RASGRF2: variants seen among roughly 807,000 people sequenced by gnomAD.
RASGRF2 encodes Ras protein specific guanine nucleotide releasing factor 2.
Under a neutral mutation model 151.0 loss-of-function variants are expected in RASGRF2, and 76 were observed. The ratio of observed to expected loss-of-function variants is 0.50; its 90% CI spans 0.42 to 0.61. RASGRF2 has a LOEUF of 0.61. Ranked by LOEUF, RASGRF2 falls within the 20% of genes least tolerant of loss-of-function variation. The probability of loss-of-function intolerance (pLI) is 0.00; values close to 1 mark genes in which losing one functional copy is unlikely to be tolerated. For missense variants in RASGRF2, 1,148 were observed against 1,564.6 expected (o/e 0.73, Z 4.49); for synonymous variants, 504 against 566.5 (o/e 0.89, Z 1.57).
At chr5:81,000,316 A>C (rs1421302730) in intron 1 of RASGRF2, among the ~76,000 whole-genome samples, 4 of 152,180 alleles carry the variant, frequency 2.6e-5, no homozygotes, top group Non-Finnish European at 4.4e-5. Context: ...ATCTTGGCTC[A>C]CTTCAACCTC....
At position 81,136,882 on chromosome 5, in the gene RASGRF2, T is replaced by C. The variant is rs186715186; in HGVS notation, c.2686+9719T>C. Among the ~76,000 whole-genome samples the C allele has an allele frequency of 2.5e-3, 385 of 152,202 alleles. 1 individual carries two copies. Among genetic ancestry groups the C allele is most frequent in the Non-Finnish European group, 2.5e-3 (168 of 68,016 alleles). The stretch of plus-strand genomic sequence containing the variant: ...AAGGTCACTATTCTTCCCTCAGCTA[T>C]GTTGAGTCTACCGATGAATCAGATA... On this transcript the variant is annotated intron_variant, in intron 17 of 26. Coordinates refer to ENST00000265080, the MANE Select transcript of RASGRF2 (RefSeq NM_006909.3).
intron 18 of RASGRF2, among the ~76,000 whole-genome samples, chr5:81,182,331 C>T (rs1361832635): frequency 6.6e-6 from 1 of 152,240 alleles, no homozygotes; most frequent in Non-Finnish European, 1.5e-5. Context: ...ACCTCCCCTG[C>T]ATGCATGAGT....
Position 81,109,069 on chromosome 5 carries a change from A to G in RASGRF2, c.1829A>G (p.His610Arg), listed in dbSNP as rs372093895. 1.2e-5 allele frequency: 19 copies of G among 1,610,508 alleles called. No individual in the cohort carries two copies. Among genetic ancestry groups the G allele is most frequent in the Non-Finnish European group, 1.5e-5 (18 of 1,177,156 alleles). Residue 610 changes from histidine (H) to arginine (R), a missense_variant, in exon 13 of 27, where the codon CAT (histidine) becomes CGT (arginine). His to Arg is a conservative substitution (Grantham distance 29, BLOSUM62 0). Coordinates refer to ENST00000265080, the MANE Select transcript of RASGRF2 (RefSeq NM_006909.3). ...GAGAATTCCAAAGTCACTGTGCCAC[A>G]TATGATTAAGTAAGTGTGAGAATCC... ...FEENSKVTVP[H>R]MIKSDARLHK...
chr5:81,123,258 A>T (rs26892), intron 15 of RASGRF2, among the ~76,000 whole-genome samples: 37,913 of 152,032 alleles, frequency 0.25, 5,296 homozygotes, highest in Middle Eastern at 0.4. Context: ...ACAGGCAAAG[A>T]ACTGGTGAAG....
chr5:80,998,955 TG>T (rs1249348323), intron 1 of RASGRF2, among the ~76,000 whole-genome samples: 2 of 152,200 alleles, frequency 1.3e-5, no homozygotes, highest in African/African-American at 4.8e-5. Flanking sequence ...CTTTTCCACT[TG>T]GGTAAAATAC....
At chr5:81,174,045 G>T in intron 17 of RASGRF2, among the ~76,000 whole-genome samples, 1 of 152,202 alleles carries the variant, frequency 6.6e-6, no homozygotes, top group Non-Finnish European at 1.5e-5. Context: ...CATATGTGTA[G>T]CACACAGCAT....
At chr5:81,126,022 A>C (rs1753443914) in intron 16 of RASGRF2, among the ~76,000 whole-genome samples, 1 of 152,264 alleles carries the variant, frequency 6.6e-6, no homozygotes, top group Admixed American at 6.5e-5. Context: ...GTGCTTGGGC[A>C]CATTAAGCAG....
At chr5:81,131,615 A>G (rs1753621311) in intron 17 of RASGRF2, among the ~76,000 whole-genome samples, 1 of 152,000 alleles carries the variant, frequency 6.6e-6, no homozygotes, top group African/African-American at 2.4e-5. Context: ...TTGGCCTTCC[A>G]AAATGCTAGG....
At chr5:81,009,945 T>C (rs1749401800) in intron 1 of RASGRF2, among the ~76,000 whole-genome samples, 1 of 151,954 alleles carries the variant, frequency 6.6e-6, no homozygotes, top group South Asian at 2.1e-4. Context: ...GATCACAAGG[T>C]CAGGAGTTCG....
At chr5:81,077,877 C>T (rs559406558) in intron 5 of RASGRF2, among the ~76,000 whole-genome samples, 2 of 152,238 alleles carry the variant, frequency 1.3e-5, no homozygotes, top group East Asian at 3.9e-4. Context: ...TTGCCTCTGG[C>T]TCTTTGTTTC....
At chr5:80,961,719 T>A (rs536482095) in intron 1 of RASGRF2, among the ~76,000 whole-genome samples, 1 of 152,326 alleles carries the variant, frequency 6.6e-6, no homozygotes, top group South Asian at 2.1e-4. Flanking sequence ...TTTAAATGAA[T>A]GCTTTGAAAA....
intron 2 of RASGRF2, among the ~76,000 whole-genome samples, chr5:81,048,096 G>T (rs1232273083): frequency 6.6e-6 from 1 of 152,168 alleles, no homozygotes; most frequent in Non-Finnish European, 1.5e-5. Flanking sequence ...AATCAGAGAA[G>T]AGTGATGACA....
At chr5:81,069,154 C>T (rs1751700337) in intron 3 of RASGRF2, among the ~76,000 whole-genome samples, 1 of 152,194 alleles carries the variant, frequency 6.6e-6, no homozygotes, top group Non-Finnish European at 1.5e-5. Context: ...CTGAGACATA[C>T]CCTGTGAATC....
chr5:80,998,889 GA>G (rs1748985556), intron 1 of RASGRF2, among the ~76,000 whole-genome samples: 1 of 152,144 alleles, frequency 6.6e-6, no homozygotes, highest in African/African-American at 2.4e-5. Context: ...TACATCTGCT[GA>G]AAATCACTTC....
intron 16 of RASGRF2, among the ~76,000 whole-genome samples, chr5:81,125,685 GA>G (rs557566618): frequency 6.6e-6 from 1 of 152,278 alleles, no homozygotes; most frequent in African/African-American, 2.4e-5. Context: ...ACAATTATTA[GA>G]ACTCTACTTT....
At chr5:81,189,158 A>C (rs1755100254) in intron 18 of RASGRF2, among the ~76,000 whole-genome samples, 1 of 152,310 alleles carries the variant, frequency 6.6e-6, no homozygotes, top group African/African-American at 2.4e-5. Flanking sequence ...CAGCCTCCCC[A>C]GGCCACCTGC....
intron 17 of RASGRF2, among the ~76,000 whole-genome samples, chr5:81,152,258 T>A (rs1009097314): frequency 9.9e-5 from 15 of 152,108 alleles, no homozygotes; most frequent in African/African-American, 2.9e-4. Context: ...TGCCTCGGCC[T>A]CCCAAAGTGC....
At chr5:80,978,087 CCTT>C (rs1299130398) in intron 1 of RASGRF2, among the ~76,000 whole-genome samples, 2 of 152,044 alleles carry the variant, frequency 1.3e-5, no homozygotes, top group Non-Finnish European at 2.9e-5. Context: ...GTACGTAAAT[CCTT>C]CTGACTGTGA....
chr5:81,035,472 C>G (rs571484663), intron 1 of RASGRF2, among the ~76,000 whole-genome samples: 6 of 151,246 alleles, frequency 4.0e-5, no homozygotes, highest in Non-Finnish European at 5.9e-5. Flanking sequence ...TGGGGTGGGG[C>G]GAGTGGGGAG....
Sources: gnomAD v4.1 joint callset for allele counts (sites outside exome capture counted in the v4.1 genomes callset) on GRCh38, gnomAD v4.1.1 for gene constraint, MANE v1.5 for transcripts, NCBI Gene and HGNC (gene_info 2026-07-23, HGNC 2026-07-21) for gene names.